Variants in NAV1 observed in about 807,000 individuals in gnomAD.
NAV1 encodes the protein pore membrane and/or filament interacting like protein 3.
NAV1 carries 18 observed loss-of-function variants against 175.2 expected under a neutral mutation model. That is an observed-to-expected ratio of 0.10 (90% CI 0.07 to 0.15). The LOEUF (loss-of-function observed/expected upper bound fraction) is 0.15. NAV1 is among the 10% of genes least tolerant of loss of function. NAV1 has a pLI of 1.00. For missense variants in NAV1, 1,731 were observed against 2,436.6 expected (o/e 0.71, Z 6.10); for synonymous variants, 897 against 978.7 (o/e 0.92, Z 1.56).
chr1:201,782,889 G>A lies in NAV1; in HGVS notation c.2357+20G>A, dbSNP rs759089356. ...TCTCAGGTACCCAATGTGGGCAGCC[G>A]CCTCCTTGTCTGTTTGCTTTGTCAT... On this transcript the variant is annotated intron_variant, in intron 6 of 29. Transcript: ENST00000367296. The surrounding 1 kb of genome is among the most constrained non-coding windows in gnomAD (Gnocchi z 5.4). 3.0e-5 allele frequency: 46 copies of A among 1,540,952 alleles called. No individual in the cohort carries two copies. The highest frequency in any genetic ancestry group is 3.8e-5 in the Non-Finnish European group (44 of 1,143,472).
intron 1 of NAV1, among the ~76,000 whole-genome samples, chr1:201,623,916 A>G (rs987474291): frequency 9.9e-5 from 15 of 152,206 alleles, no homozygotes; most frequent in Admixed American, 6.5e-4. Flanking sequence ...CTGGAACAAT[A>G]TAAAGATTGG....
At chr1:201,668,083 G>A (rs937923457) in intron 1 of NAV1, among the ~76,000 whole-genome samples, 25 of 152,182 alleles carry the variant, frequency 1.6e-4, no homozygotes, top group East Asian at 1.9e-4. Context: ...CCTGGGGCCC[G>A]GGACTGCCTC....
chr1:201,704,882 C>A (rs551091589), intron 1 of NAV1, among the ~76,000 whole-genome samples: 1 of 152,324 alleles, frequency 6.6e-6, no homozygotes, highest in African/African-American at 2.4e-5. Context: ...CCTCTACTCC[C>A]ACTCCCATAT....
chr1:201,785,445 AT>A, intron 8 of NAV1, 94 bp downstream of exon 12: 1 of 1,303,474 alleles, frequency 7.7e-7, no homozygotes, highest in Non-Finnish European at 1.1e-6. Context: ...CCAGTCATGA[AT>A]TTAGTCACCC....
At chr1:201,670,232 T>C (rs940167447) in intron 1 of NAV1, among the ~76,000 whole-genome samples, 3 of 151,062 alleles carry the variant, frequency 2.0e-5, no homozygotes, top group African/African-American at 2.4e-5. Flanking sequence ...ACAAAAAAAT[T>C]AGCCGGGCGT....
In NAV1 at chr1:201,684,776, A is replaced by G. The variant is rs575977903; in HGVS notation, c.758-28041A>G. 1.1e-3 allele frequency among the ~76,000 whole-genome samples: 171 copies of G among 151,848 alleles called. 2 individuals carry two copies. Among genetic ancestry groups the G allele is most frequent in the African/African-American group, 4.0e-3 (164 of 41,476 alleles). ...AGGCGTGAGCCACTGTGCCCAGCCT[A>G]TGCAGCTTTAAAAAACCCCAATTCT... On this transcript the variant is annotated intron_variant, in intron 1 of 29. Transcript: ENST00000367296.
intron 3 of NAV1, among the ~76,000 whole-genome samples, chr1:201,742,005 G>A (rs1673454636): frequency 6.6e-6 from 1 of 152,198 alleles, no homozygotes. Flanking sequence ...GGGTGGAGCT[G>A]GGTTAGGCCT....
chr1:201,722,737 C>T (rs556261908), intron 3 of NAV1, among the ~76,000 whole-genome samples: 12 of 152,300 alleles, frequency 7.9e-5, no homozygotes, highest in Middle Eastern at 3.4e-3. Context: ...GATATTTCTA[C>T]CAGCAATGAA....
At chr1:201,762,450 A>G (rs1336902452) in intron 3 of NAV1, among the ~76,000 whole-genome samples, 1 of 152,142 alleles carries the variant, frequency 6.6e-6, no homozygotes, top group Admixed American at 6.5e-5. Flanking sequence ...CTGAGAGTGG[A>G]TTTCACATTT....
intron 1 of NAV1, among the ~76,000 whole-genome samples, chr1:201,540,903 C>T (rs967858302): frequency 1.3e-5 from 2 of 152,270 alleles, no homozygotes; most frequent in African/African-American, 2.4e-5. Flanking sequence ...AAAATCGCTA[C>T]GGTTGGAAGA....
intron 3 of NAV1, among the ~76,000 whole-genome samples, chr1:201,735,506 T>G (rs918402699): frequency 6.6e-6 from 1 of 152,152 alleles, no homozygotes; most frequent in Admixed American, 6.5e-5. Flanking sequence ...GCGCCCCACA[T>G]TCATGCATGA....
At chr1:201,779,621 A>AAAAC (rs1676189551) in intron 3 of NAV1, among the ~76,000 whole-genome samples, 1 of 146,512 alleles carries the variant, frequency 6.8e-6, no homozygotes. Context: ...AAAAAAAAAA[A>AAAAC]GAACAGCCAA....
intron 2 of NAV1, among the ~76,000 whole-genome samples, chr1:201,638,324 A>G (rs1668664171): frequency 1.3e-5 from 2 of 152,216 alleles, no homozygotes. Context: ...GTGTTGCTAC[A>G]GACCACCAGC....
At chr1:201,780,698 A>G (rs1192998751) in intron 4 of NAV1, 139 bp downstream of exon 8, 12 of 1,162,408 alleles carry the variant, frequency 1.0e-5, no homozygotes, top group Admixed American at 2.5e-5. Flanking sequence ...GTCATTTTAG[A>G]GTTGCCCCCA....
intron 1 of NAV1, among the ~76,000 whole-genome samples, chr1:201,552,506 G>T (rs1665886437): frequency 6.6e-6 from 1 of 151,742 alleles, no homozygotes; most frequent in African/African-American, 2.4e-5. Context: ...ATTGGGCTCT[G>T]ACGCATGTGG....
intron 29 of NAV1, among the ~76,000 whole-genome samples, chr1:201,818,342 C>T (rs1679189731): frequency 6.6e-6 from 1 of 152,016 alleles, no homozygotes; most frequent in Admixed American, 6.5e-5. Flanking sequence ...TCCTGGCCAA[C>T]ATGGTGAAAC....
At chr1:201,577,284 C>T (rs193001149) in intron 1 of NAV1, among the ~76,000 whole-genome samples, 52 of 152,266 alleles carry the variant, frequency 3.4e-4, no homozygotes, top group Admixed American at 3.4e-3. Context: ...CAGAATGAAA[C>T]ATTTTAATTT....
Position 201,587,228 on chromosome 1 carries a change from G to A in NAV1, c.-143-1311G>A, listed in dbSNP as rs4915237. 0.017 allele frequency among the ~76,000 whole-genome samples: 2,610 copies of A among 149,838 alleles called. 197 individuals are homozygous for A. The East Asian group carries it at 0.25, about 14-fold the overall frequency. On this transcript the variant is annotated intron_variant, in intron 1 of 33. Coordinates refer to the NAV1 transcript ENST00000685211. ...CCTGTCTCAAAGAAAGAAAAACAAA[G>A]ATGATAAGCTTTATGTTATGTGTAG...
At chr1:201,641,999 A>C (rs1357611881) in intron 2 of NAV1, among the ~76,000 whole-genome samples, 3 of 112,254 alleles carry the variant, frequency 2.7e-5, no homozygotes, top group South Asian at 2.8e-4. Context: ...TCTTCCCTTT[A>C]TTCCCTTCCT....
Sources: allele counts gnomAD v4.1 joint callset (sites outside exome capture counted in the v4.1 genomes callset), GRCh38; gene constraint gnomAD v4.1.1; non-coding constraint Gnocchi (gnomAD v3.1); transcripts MANE v1.5; gene names NCBI Gene and HGNC (gene_info 2026-07-23, HGNC 2026-07-21).